SDK1: variants seen among roughly 807,000 people sequenced by gnomAD.
SDK1 encodes sidekick cell adhesion molecule 1.
Under a neutral mutation model 245.5 loss-of-function variants are expected in SDK1, and 157 were observed. The observed-to-expected ratio is 0.64, with a 90% CI of 0.56 to 0.73. The LOEUF (loss-of-function observed/expected upper bound fraction) is 0.73, where lower values mean the gene tolerates loss of function less well. Ranked by LOEUF, SDK1 falls within the 30% of genes least tolerant of loss-of-function variation. The probability of loss-of-function intolerance (pLI) is 0.00; values close to 1 mark genes in which losing one functional copy is unlikely to be tolerated. For missense variants in SDK1, 3,583 were observed against 3,002.3 expected, an observed-to-expected ratio of 1.19 and a Z score of -4.52; for synonymous variants, 1,647 against 1,278.5, an observed-to-expected ratio of 1.29 and a Z score of -6.15.
chr7:3,721,823 G>C (rs1227182806), intron 4 of SDK1, among the ~76,000 whole-genome samples: 3 of 152,192 alleles, frequency 2.0e-5, no homozygotes, highest in Non-Finnish European at 4.4e-5. Flanking sequence ...CTAGGGCTTA[G>C]ACCGGTTGGC....
intron 28 of SDK1, among the ~76,000 whole-genome samples, chr7:4,133,173 C>G (rs956101407): frequency 6.6e-6 from 1 of 152,220 alleles, no homozygotes; most frequent in African/African-American, 2.4e-5. Flanking sequence ...AGCGCATGCC[C>G]TGGGTCCCGG....
At position 4,205,880 on chromosome 7, in the gene SDK1, C is replaced by T. The variant is rs1410941982; in HGVS notation, c.5100C>T (p.Ala1700=). Residue 1700 remains alanine, a splice_region_variant and synonymous_variant, in exon 36 of 45, where the codon GCC becomes GCT. Coordinates refer to ENST00000404826, the MANE Select transcript of SDK1 (RefSeq NM_152744.4). ...CTCTCCGCATTGCTCTTTCCTCAGCCCCGGCCATGGCCCCGCAGAACGTGC... is the reference window on the plus strand; with the variant it reads ...CTCTCCGCATTGCTCTTTCCTCAGCTCCGGCCATGGCCCCGCAGAACGTGC... ...APVEVFVGEA[A]PAMAPQNVQV... 1.9e-6 allele frequency: 3 copies of T among 1,552,484 alleles called. No homozygotes were observed. The highest frequency in any genetic ancestry group is 2.4e-5 in the East Asian group (1 of 41,026).
chr7:4,160,697 T>C (rs561634495), intron 31 of SDK1, among the ~76,000 whole-genome samples: 1 of 152,282 alleles, frequency 6.6e-6, no homozygotes, highest in East Asian at 1.9e-4. Context: ...CATTGAGAAC[T>C]CCCTGTAATG....
chr7:3,823,188 A>G (rs983927835), intron 5 of SDK1, among the ~76,000 whole-genome samples: 1 of 152,210 alleles, frequency 6.6e-6, no homozygotes, highest in African/African-American at 2.4e-5. Context: ...AGGATGATTT[A>G]TTAAGATTTT....
intron 35 of SDK1, among the ~76,000 whole-genome samples, chr7:4,196,734 C>A (rs957106812): frequency 6.6e-6 from 1 of 152,196 alleles, no homozygotes; most frequent in African/African-American, 2.4e-5. Context: ...CTGCTCTAGA[C>A]CATGCACCAC....
Position 3,723,851 on chromosome 7 carries a change from TATAC to T in SDK1, c.713+81750_713+81753del, listed in dbSNP as rs975051010. Among the ~76,000 whole-genome samples, 15 of 140,162 alleles carry T rather than the reference TATAC, an allele frequency of 1.1e-4. 1 individual carries two copies. Among genetic ancestry groups the T allele is most frequent in the Non-Finnish European group, 2.0e-4 (13 of 63,538 alleles). 92.0% of individuals were successfully genotyped at this position (140,162 alleles called of 152,430 possible). A position where few individuals can be genotyped will look rare whatever the true frequency, so the allele number is the denominator to read the frequency against. ...ATATACACGTGTATATACACGTACA[TATAC>T]ATATACACGTGTATATACACGTACA... is the stretch of plus-strand genomic sequence containing the variant. On this transcript the variant is annotated intron_variant, in intron 4 of 44. Transcript: ENST00000404826.
At chr7:3,422,861 A>G (rs1421234329) in intron 1 of SDK1, among the ~76,000 whole-genome samples, 1 of 152,212 alleles carries the variant, frequency 6.6e-6, no homozygotes, top group Non-Finnish European at 1.5e-5. Flanking sequence ...AGTAATCATA[A>G]AAATAGATAG....
chr7:3,850,680 A>C (rs961472888), intron 5 of SDK1, among the ~76,000 whole-genome samples: 3 of 152,200 alleles, frequency 2.0e-5, no homozygotes, highest in African/African-American at 7.2e-5. Context: ...TGCGGCCATA[A>C]AAAAGGATGC....
intron 5 of SDK1, among the ~76,000 whole-genome samples, chr7:3,893,934 A>C (rs1781527125): frequency 6.6e-6 from 1 of 152,176 alleles, no homozygotes; most frequent in Non-Finnish European, 1.5e-5. Context: ...TGGAATTAGA[A>C]GTTCATCTGA....
chr7:3,345,886 T>C (rs1298765886), intron 1 of SDK1, among the ~76,000 whole-genome samples: 2 of 152,174 alleles, frequency 1.3e-5, no homozygotes, highest in African/African-American at 4.8e-5. Flanking sequence ...TGCCGTGACA[T>C]TGGTAGTCAG....
intron 1 of SDK1, among the ~76,000 whole-genome samples, chr7:3,576,707 C>A (rs1256234443): frequency 6.6e-6 from 1 of 151,974 alleles, no homozygotes; most frequent in Non-Finnish European, 1.5e-5. Context: ...CTGCATTTTG[C>A]CTGTGTTGAG....
intron 35 of SDK1, among the ~76,000 whole-genome samples, chr7:4,184,461 A>AGT (rs1222521031): frequency 6.6e-6 from 1 of 151,676 alleles, no homozygotes; most frequent in African/African-American, 2.4e-5. Flanking sequence ...TCATAAGATG[A>AGT]GTGTCCAGAA....
intron 5 of SDK1, among the ~76,000 whole-genome samples, chr7:3,889,737 T>C (rs1322125206): frequency 6.6e-6 from 1 of 152,172 alleles, no homozygotes; most frequent in Non-Finnish European, 1.5e-5. Flanking sequence ...CTCAATCTCC[T>C]GACCTCGTGA....
At chr7:4,200,106 A>G (rs997317054) in intron 35 of SDK1, among the ~76,000 whole-genome samples, 1 of 152,096 alleles carries the variant, frequency 6.6e-6, no homozygotes, top group Non-Finnish European at 1.5e-5. Context: ...CCACCCCACA[A>G]AAAAAGGCCA....
At position 3,942,592 on chromosome 7, in the gene SDK1, T is replaced by A. The variant is rs200498593; in HGVS notation, c.848-8331T>A. Among the ~76,000 whole-genome samples, 11 of 152,034 alleles carry A rather than the reference T, an allele frequency of 7.2e-5. No individual in the cohort carries two copies. In the South Asian group the frequency reaches 1.5e-3, roughly 20 times the overall value. Reference sequence around the variant, plus strand: ...TCTTTTTCCGTGTGTGTGTGTGTTTTAAAAAAATGTTTTCTCTTGTTTCTA... The same window carrying A: ...TCTTTTTCCGTGTGTGTGTGTGTTTAAAAAAAATGTTTTCTCTTGTTTCTA... On this transcript the variant is annotated intron_variant, in intron 5 of 44. Coordinates refer to ENST00000404826, the MANE Select transcript of SDK1 (RefSeq NM_152744.4).
intron 1 of SDK1, among the ~76,000 whole-genome samples, chr7:3,490,984 C>T (rs998828722): frequency 6.6e-6 from 1 of 152,214 alleles, no homozygotes; most frequent in African/African-American, 2.4e-5. Context: ...GATACAGCTA[C>T]CGTCAACAGA....
chr7:4,165,192 C>T lies in SDK1; in HGVS notation c.4800+3336C>T, dbSNP rs545868595. Reference sequence around the variant, plus strand: ...TGGCCAACATGGTGAAATTCTGTCTCTACTAAAAATACAAAAATTAGCCGG... The same window carrying T: ...TGGCCAACATGGTGAAATTCTGTCTTTACTAAAAATACAAAAATTAGCCGG... On this transcript the variant is annotated intron_variant, in intron 32 of 44. Transcript: ENST00000404826. Among the ~76,000 whole-genome samples the T allele has an allele frequency of 5.3e-5, 8 of 152,136 alleles. No homozygotes were observed. The East Asian group carries it at 1.4e-3, about 26-fold the overall frequency.
intron 17 of SDK1, among the ~76,000 whole-genome samples, chr7:4,044,290 G>A (rs1264517245): frequency 1.3e-5 from 2 of 152,202 alleles, no homozygotes; most frequent in African/African-American, 2.4e-5. Context: ...CACTCCTACC[G>A]CTGCTCAGGG....
chr7:3,479,253 C>G (rs1008752285), intron 1 of SDK1, among the ~76,000 whole-genome samples: 1 of 151,536 alleles, frequency 6.6e-6, no homozygotes, highest in Non-Finnish European at 1.5e-5. Context: ...AAAACCCCGT[C>G]TCTACCAAAA....
Sources: allele counts gnomAD v4.1 joint callset (sites outside exome capture counted in the v4.1 genomes callset), GRCh38; gene constraint gnomAD v4.1.1; transcripts MANE v1.5; gene names NCBI Gene and HGNC (gene_info 2026-07-23, HGNC 2026-07-21).